MYLK4: variants seen among roughly 807,000 people sequenced by gnomAD.
MYLK4 encodes the protein caMLCK like.
Under a neutral mutation model 48.1 loss-of-function variants are expected in MYLK4, and 46 were observed. The observed-to-expected ratio is 0.96, with a 90% confidence interval of 0.75 to 1.22. MYLK4 has a LOEUF of 1.22. MYLK4 is among the 50% of genes most tolerant of loss of function. The pLI is 0.00. For missense variants in MYLK4, 451 were observed against 486.1 expected, an observed-to-expected ratio of 0.93 and a Z score of 0.68; for synonymous variants, 170 against 180.8, an observed-to-expected ratio of 0.94 and a Z score of 0.48.
At chr6:2,740,381 C>A (rs558712561) in intron 2 of MYLK4, among the ~76,000 whole-genome samples, 1 of 152,172 alleles carries the variant, frequency 6.6e-6, no homozygotes, top group Non-Finnish European at 1.5e-5. Flanking sequence ...GGCATTGCTG[C>A]GGGACCTTCT....
At chr6:2,718,507 T>A (rs1762950642) in intron 2 of MYLK4, among the ~76,000 whole-genome samples, 1 of 152,220 alleles carries the variant, frequency 6.6e-6, no homozygotes, top group African/African-American at 2.4e-5. Flanking sequence ...CCTTCCATCA[T>A]CCTTCCTTCT....
chr6:2,683,392 TGTGTG>T (rs1283630711), intron 6 of MYLK4, among the ~76,000 whole-genome samples: 5 of 57,536 alleles, frequency 8.7e-5, no homozygotes, highest in Admixed American at 2.9e-4. Context: ...CCCACCTTTT[TGTGTG>T]TGTGTGTGTG....
chr6:2,691,962 C>T (rs75929032), intron 3 of MYLK4, among the ~76,000 whole-genome samples: 6 of 152,316 alleles, frequency 3.9e-5, no homozygotes, highest in East Asian at 1.9e-4. Context: ...GCTGTGGATA[C>T]GCAATGCTGT....
In MYLK4 at chr6:2,714,173, C is replaced by T. The variant is rs182120960; in HGVS notation, c.160-21314G>A. On this transcript the variant is annotated intron_variant, in intron 2 of 12. Transcript: ENST00000274643. ...GACCCGGTCAGAGGAAGTGAAGAAACCAGCCAAAACCAGCAGATGGCAACC... is the reference window on the plus strand; with the variant it reads ...GACCCGGTCAGAGGAAGTGAAGAAATCAGCCAAAACCAGCAGATGGCAACC... Among the ~76,000 whole-genome samples, 5 of 152,260 alleles carry T rather than the reference C, an allele frequency of 3.3e-5. No homozygotes were observed. The East Asian group carries it at 7.7e-4, about 24-fold the overall frequency.
the MYLK4 span, among the ~76,000 whole-genome samples, chr6:2,762,958 G>C: frequency 1.3e-5 from 2 of 152,110 alleles, no homozygotes; most frequent in African/African-American, 2.4e-5. Context: ...CCAAACACCA[G>C]CTAATGCAAA....
chr6:2,744,248 GC>G (rs1763995550), intron 2 of MYLK4: 1 of 371,452 alleles, frequency 2.7e-6, no homozygotes, highest in Admixed American at 4.6e-5. Flanking sequence ...AAATACGATG[GC>G]CTTGTGTGAC....
chr6:2,712,033 A>G (rs548440875), intron 2 of MYLK4, among the ~76,000 whole-genome samples: 1 of 152,252 alleles, frequency 6.6e-6, no homozygotes, highest in South Asian at 2.1e-4. Context: ...TTTGAAGTAG[A>G]TTTTTCTCAT....
At position 2,749,253 on chromosome 6, in the gene MYLK4, A is replaced by G; in HGVS notation, c.42T>C (p.Tyr14=). 6.2e-7 allele frequency: 1 copy of G among 1,614,098 alleles called. No individual in the cohort carries two copies. Among genetic ancestry groups the G allele is most frequent in the Non-Finnish European group, 8.5e-7 (1 of 1,179,974 alleles). The change falls in exon 2 of 13, where the codon TAT becomes TAC. Residue 14 remains tyrosine (Y), a synonymous_variant. Transcript: ENST00000274643. ...CCATTTTCTCCAGCTGGTTGCTGTT[A>G]TAACACGTGTTGAATTCTTCCAGCC... The part of the protein sequence containing the change: ...VKRLEEFNTC[Y]NSNQLEKMAF...
the MYLK4 span, among the ~76,000 whole-genome samples, chr6:2,767,012 G>A: frequency 1.3e-5 from 2 of 152,228 alleles, no homozygotes; most frequent in African/African-American, 2.4e-5. Context: ...ATATACTCAT[G>A]TATTTACAAA....
chr6:2,679,386 T>C lies in MYLK4; in HGVS notation c.781A>G (p.Lys261Glu). The change falls in exon 9 of 13, where the codon AAG (lysine) becomes GAG (glutamate). Residue 261 changes from lysine to glutamate, a missense_variant. By Grantham distance (56) the Lys-to-Glu change is moderately conservative. Coordinates refer to ENST00000274643, the MANE Select transcript of MYLK4 (RefSeq NM_001012418.5). ...AATTCTGGGGTTCCAAAGTTCACCT[T>C]CAGCTTCTCTCTGGGTTTGTATCTG... ...ARRYKPREKL[K>E]VNFGTPEFLA... is the part of the protein sequence containing the mutation. 1 of 1,614,186 alleles carries C rather than the reference T, an allele frequency of 6.2e-7. No homozygotes were observed. The highest frequency in any genetic ancestry group is 8.5e-7 in the Non-Finnish European group (1 of 1,180,020).
chr6:2,767,261 A>G, the MYLK4 span, among the ~76,000 whole-genome samples: 2 of 152,238 alleles, frequency 1.3e-5, no homozygotes, highest in African/African-American at 4.8e-5. Flanking sequence ...AAAACAGAGA[A>G]AGCTAAGAAG....
intron 2 of MYLK4, among the ~76,000 whole-genome samples, chr6:2,716,632 A>G (rs1762875378): frequency 6.6e-6 from 1 of 151,996 alleles, no homozygotes; most frequent in Non-Finnish European, 1.5e-5. Context: ...ACTCCTTACA[A>G]CCTAGTAGGG....
chr6:2,725,515 C>CAG (rs953907225), intron 2 of MYLK4, among the ~76,000 whole-genome samples: 1 of 135,090 alleles, frequency 7.4e-6, no homozygotes, highest in Non-Finnish European at 1.6e-5. Context: ...GAGAGAGAGA[C>CAG]AGAGAGAGAG....
chr6:2,762,466 T>C, the MYLK4 span, among the ~76,000 whole-genome samples: 1 of 152,234 alleles, frequency 6.6e-6, no homozygotes, highest in Non-Finnish European at 1.5e-5. Flanking sequence ...GTTTCCATTT[T>C]AAAATTTTTT....
At chr6:2,704,028 C>A (rs1016714063) in intron 2 of MYLK4, among the ~76,000 whole-genome samples, 1 of 152,188 alleles carries the variant, frequency 6.6e-6, no homozygotes, top group African/African-American at 2.4e-5. Flanking sequence ...GTTGGCCACA[C>A]ATCTTCGTGG....
chr6:2,751,222 G>A (rs775826652), upstream of MYLK4, among the ~76,000 whole-genome samples: 1 of 152,160 alleles, frequency 6.6e-6, no homozygotes, highest in Non-Finnish European at 1.5e-5. Flanking sequence ...TTATTTAAGT[G>A]CTCATTAAAT....
At chr6:2,752,127 G>A (rs548418207), upstream of MYLK4, among the ~76,000 whole-genome samples, 6 of 152,304 alleles carry the variant, frequency 3.9e-5, no homozygotes, top group South Asian at 4.1e-4. Flanking sequence ...TTCCTATCTC[G>A]TTGGCTCCAG....
chr6:2,768,378 C>T, the MYLK4 span, among the ~76,000 whole-genome samples: 2 of 152,166 alleles, frequency 1.3e-5, 1 homozygote, highest in Non-Finnish European at 2.9e-5. Context: ...TAAATCAAGA[C>T]AGCCGTTCTT....
chr6:2,670,049 A>G (rs933363424), intron 12 of MYLK4, among the ~76,000 whole-genome samples: 2 of 152,210 alleles, frequency 1.3e-5, no homozygotes, highest in Non-Finnish European at 2.9e-5. Flanking sequence ...CCTCAGGCCC[A>G]GAAACATACC....
Sources: allele counts gnomAD v4.1 joint callset (sites outside exome capture counted in the v4.1 genomes callset), GRCh38; gene constraint gnomAD v4.1.1; transcripts MANE v1.5; gene names NCBI Gene and HGNC (gene_info 2026-07-23, HGNC 2026-07-21).